GMDS: variants seen among roughly 807,000 people sequenced by gnomAD.
GMDS encodes the protein GDP-mannose 4,6 dehydratase.
A neutral mutation model predicts 49.9 loss-of-function variants in GMDS; 20 were observed. The observed-to-expected ratio is 0.40, with a 90% confidence interval of 0.28 to 0.58. The LOEUF is 0.58. GMDS is among the 20% of genes least tolerant of loss of function. The probability of loss-of-function intolerance (pLI) is 0.42; values close to 1 mark genes in which losing one functional copy is unlikely to be tolerated. For missense variants in GMDS, 362 were observed against 481.4 expected (o/e 0.75, Z 2.32); for synonymous variants, 177 against 178.6 (o/e 0.99, Z 0.07).
At chr6:2,125,779 T>C (rs1775396728) in intron 1 of GMDS, among the ~76,000 whole-genome samples, 1 of 152,178 alleles carries the variant, frequency 6.6e-6, no homozygotes, top group South Asian at 2.1e-4. Flanking sequence ...CACAGCTGGC[T>C]GCTAACCCTA....
At chr6:1,788,680 G>A (rs891137981) in intron 7 of GMDS, among the ~76,000 whole-genome samples, 2 of 152,154 alleles carry the variant, frequency 1.3e-5, no homozygotes, top group Admixed American at 1.3e-4. Flanking sequence ...AAATATCCAA[G>A]TTTCTCAAAT....
At chr6:1,877,994 T>C (rs538158726) in intron 7 of GMDS, among the ~76,000 whole-genome samples, 1 of 152,150 alleles carries the variant, frequency 6.6e-6, no homozygotes. Context: ...AGATGTAACA[T>C]ATAACTGTAT....
At chr6:1,916,562 A>G (rs534911374) in intron 7 of GMDS, among the ~76,000 whole-genome samples, 146 of 152,132 alleles carry the variant, frequency 9.6e-4, no homozygotes, top group African/African-American at 3.5e-3. Flanking sequence ...CGAAAAAGGG[A>G]GGGAGAGAAA....
intron 1 of GMDS, among the ~76,000 whole-genome samples, chr6:2,158,068 C>T (rs1352509930): frequency 6.6e-6 from 1 of 152,208 alleles, no homozygotes; most frequent in African/African-American, 2.4e-5. Flanking sequence ...CCTCCTTCCT[C>T]ATGAAAGCAC....
At chr6:1,979,457 C>T (rs1765099915) in intron 4 of GMDS, among the ~76,000 whole-genome samples, 1 of 152,090 alleles carries the variant, frequency 6.6e-6, no homozygotes, top group South Asian at 2.1e-4. Flanking sequence ...AGCTTGAAGA[C>T]TGTCTTTCTG....
At chr6:2,208,528 G>A (rs1323305631) in intron 1 of GMDS, among the ~76,000 whole-genome samples, 3 of 152,174 alleles carry the variant, frequency 2.0e-5, no homozygotes, top group Non-Finnish European at 4.4e-5. Context: ...AAGCTGTACA[G>A]ACAATTTTCC....
At chr6:1,732,619 T>C (rs963720219) in intron 8 of GMDS, among the ~76,000 whole-genome samples, 7 of 152,272 alleles carry the variant, frequency 4.6e-5, no homozygotes, top group African/African-American at 1.7e-4. Flanking sequence ...TACAGTACAA[T>C]AGAATTTCCA....
chr6:2,245,426 C>T lies in GMDS; in HGVS notation c.-4G>A, dbSNP rs574902321. 4 of 1,472,276 alleles carry T rather than the reference C, an allele frequency of 2.7e-6. No homozygotes were observed. Among genetic ancestry groups the T allele is most frequent in the Non-Finnish European group, 3.6e-6 (4 of 1,118,350 alleles). The allele number at this position is 1,472,276 out of a possible 1,614,324, so 91.2% of individuals were successfully genotyped here. On this transcript the variant is annotated 5_prime_UTR_variant, in exon 1 of 11. Transcript: ENST00000380815. ...AGCGTGCCGGTGCGTGTGCCATGTC[C>T]CGCGGCGGGCGTGCGGTCGGCGGCA...
intron 1 of GMDS, among the ~76,000 whole-genome samples, chr6:2,140,402 A>T (rs1391881909): frequency 6.6e-6 from 1 of 152,122 alleles, no homozygotes; most frequent in South Asian, 2.1e-4. Context: ...TCTGACATAC[A>T]CCTTGATTTT....
intron 1 of GMDS, among the ~76,000 whole-genome samples, chr6:2,201,208 C>T (rs1779515433): frequency 7.3e-6 from 1 of 136,056 alleles, no homozygotes; most frequent in African/African-American, 2.8e-5. Context: ...GAGAGAGCAC[C>T]ACATGGACAT....
At position 2,122,661 on chromosome 6, in the gene GMDS, G is replaced by T. The variant is rs116731528; in HGVS notation, c.147+2026C>A. 3.3e-3 allele frequency among the ~76,000 whole-genome samples: 503 copies of T among 152,276 alleles called. 4 individuals are homozygous for T. The highest frequency in any genetic ancestry group is 0.012 in the African/African-American group (483 of 41,554). On this transcript the variant is annotated intron_variant, in intron 2 of 10. Coordinates refer to ENST00000380815, the MANE Select transcript of GMDS (RefSeq NM_001500.4). ...CTAATGGTTTATTCTCGAATTATAC[G>T]AATCTCTTAAAATTGAGGACAGCAG...
intron 7 of GMDS, among the ~76,000 whole-genome samples, chr6:1,818,267 A>C (rs2113696558): frequency 6.6e-6 from 1 of 152,362 alleles, no homozygotes; most frequent in East Asian, 1.9e-4. Context: ...TTAGATTATC[A>C]AAACACGTTT....
chr6:2,113,140 A>G (rs992459565), intron 4 of GMDS, among the ~76,000 whole-genome samples: 20 of 152,106 alleles, frequency 1.3e-4, no homozygotes, highest in African/African-American at 4.6e-4. Flanking sequence ...CCCACTCCAA[A>G]AGTTCCTCCT....
intron 1 of GMDS, among the ~76,000 whole-genome samples, chr6:2,147,469 A>C (rs1776618132): frequency 6.6e-6 from 1 of 152,186 alleles, no homozygotes; most frequent in Non-Finnish European, 1.5e-5. Context: ...TTGGTCCAAA[A>C]GGATATTTTG....
chr6:1,838,260 C>T (rs1447622418), intron 7 of GMDS, among the ~76,000 whole-genome samples: 2 of 152,194 alleles, frequency 1.3e-5, no homozygotes, highest in African/African-American at 4.8e-5. Context: ...TAAGTGAATA[C>T]AGAAGAGAAT....
intron 7 of GMDS, among the ~76,000 whole-genome samples, chr6:1,823,764 T>C (rs142311148): frequency 1.5e-3 from 230 of 152,260 alleles, no homozygotes; most frequent in African/African-American, 4.7e-3. Context: ...TGGAGGGAGT[T>C]TGAATATTCA....
At chr6:1,703,548 T>C (rs1199225778) in intron 9 of GMDS, among the ~76,000 whole-genome samples, 1 of 152,204 alleles carries the variant, frequency 6.6e-6, no homozygotes, top group Admixed American at 6.5e-5. Flanking sequence ...AGCTACTTTG[T>C]ATAAATAAAG....
chr6:2,146,715 T>A (rs1451213539), intron 1 of GMDS, among the ~76,000 whole-genome samples: 1 of 152,188 alleles, frequency 6.6e-6, no homozygotes, highest in African/African-American at 2.4e-5. Flanking sequence ...AGTAGGGATG[T>A]TTGATTTTTT....
chr6:2,121,813 C>T (rs1043298365), intron 2 of GMDS, among the ~76,000 whole-genome samples: 1 of 152,072 alleles, frequency 6.6e-6, no homozygotes, highest in Non-Finnish European at 1.5e-5. Context: ...TTGCCTACAC[C>T]ACCCACCATC....
Sources: allele counts gnomAD v4.1 joint callset (sites outside exome capture counted in the v4.1 genomes callset), GRCh38; gene constraint gnomAD v4.1.1; transcripts MANE v1.5; gene names NCBI Gene and HGNC (gene_info 2026-07-23, HGNC 2026-07-21).